The following LRRC4C variants were observed in gnomAD, a reference collection of about 807,000 sequenced individuals.
LRRC4C encodes the protein leucine-rich repeat-containing protein 4C.
LRRC4C carries 5 observed loss-of-function variants against 33.6 expected under a neutral mutation model. The observed-to-expected ratio is 0.15, with a 90% confidence interval of 0.08 to 0.31. The LOEUF is 0.31. Among genes scored for constraint, LRRC4C ranks in the 10% least tolerant of loss-of-function variants. The probability of loss-of-function intolerance (pLI) is 1.00; values close to 1 mark genes in which losing one functional copy is unlikely to be tolerated. For missense variants in LRRC4C, 560 were observed against 796.7 expected, an observed-to-expected ratio of 0.70 and a Z score of 3.58; for synonymous variants, 329 against 302.0, an observed-to-expected ratio of 1.09 and a Z score of -0.93.
At chr11:41,137,203 C>T (rs1943303304) in intron 1 of LRRC4C, among the ~76,000 whole-genome samples, 1 of 151,966 alleles carries the variant, frequency 6.6e-6, no homozygotes, top group Non-Finnish European at 1.5e-5. Context: ...GATCATGCCA[C>T]TGCACTCCAG....
chr11:41,194,107 G>A (rs910928439), intron 1 of LRRC4C, among the ~76,000 whole-genome samples: 6 of 152,090 alleles, frequency 3.9e-5, no homozygotes, highest in East Asian at 3.9e-4. Flanking sequence ...TTCATGAATT[G>A]TAAATGTATT....
At chr11:40,506,353 A>G (rs1331316343) in intron 3 of LRRC4C, among the ~76,000 whole-genome samples, 1 of 152,210 alleles carries the variant, frequency 6.6e-6, no homozygotes, top group Non-Finnish European at 1.5e-5. Flanking sequence ...TCACATGAAC[A>G]GAAATCTTAA....
chr11:40,339,322 G>T (rs189554957), intron 3 of LRRC4C, among the ~76,000 whole-genome samples: 2 of 152,196 alleles, frequency 1.3e-5, no homozygotes, highest in East Asian at 3.9e-4. Context: ...AATAGCATGG[G>T]TTATAGAATA....
intron 1 of LRRC4C, among the ~76,000 whole-genome samples, chr11:41,300,067 T>C (rs188916274): frequency 1.5e-4 from 23 of 152,278 alleles, no homozygotes; most frequent in East Asian, 1.3e-3. Context: ...GCTGAAATCA[T>C]GGGACCATAA....
chr11:41,058,384 A>T (rs1397752072), intron 1 of LRRC4C, among the ~76,000 whole-genome samples: 2 of 152,238 alleles, frequency 1.3e-5, no homozygotes, highest in Non-Finnish European at 2.9e-5. Context: ...GACTGTGTGC[A>T]GTGGCTGGAA....
chr11:41,011,514 G>C (rs552839639), intron 1 of LRRC4C, among the ~76,000 whole-genome samples: 2 of 152,098 alleles, frequency 1.3e-5, no homozygotes, highest in Non-Finnish European at 2.9e-5. Context: ...GCACTATAAA[G>C]TAAATAAAAT....
intron 1 of LRRC4C, among the ~76,000 whole-genome samples, chr11:41,375,362 G>A (rs992040215): frequency 4.6e-5 from 7 of 152,116 alleles, no homozygotes; most frequent in Admixed American, 4.6e-4. Flanking sequence ...GGCAGAGAGT[G>A]GAGGAGATGT....
In LRRC4C at chr11:40,436,655, G is replaced by C. The variant is rs560702748; in HGVS notation, c.-269-116934C>G. On this transcript the variant is annotated intron_variant, in intron 3 of 6. Transcript: ENST00000528697. ...TACAGACTGAATGTATGCCTGAAAT[G>C]AGCCTTCAAGGCTTGAATGGGAAGA... Among the ~76,000 whole-genome samples, 4 of 152,278 alleles carry C rather than the reference G, an allele frequency of 2.6e-5. No homozygotes were observed. The South Asian group carries it at 8.3e-4, about 32-fold the overall frequency.
intron 1 of LRRC4C, among the ~76,000 whole-genome samples, chr11:41,148,258 G>A (rs912882898): frequency 6.6e-6 from 1 of 152,034 alleles, no homozygotes; most frequent in Non-Finnish European, 1.5e-5. Context: ...CTTCTGATCT[G>A]CCTGCCTCAG....
chr11:41,130,912 C>T (rs1942980415), intron 1 of LRRC4C, among the ~76,000 whole-genome samples: 1 of 151,980 alleles, frequency 6.6e-6, no homozygotes, highest in African/African-American at 2.4e-5. Context: ...GTGTGTTTTC[C>T]ATGCACTAAG....
chr11:41,205,866 T>G (rs1359698351), intron 1 of LRRC4C, among the ~76,000 whole-genome samples: 1 of 152,172 alleles, frequency 6.6e-6, no homozygotes, highest in Non-Finnish European at 1.5e-5. Flanking sequence ...TATTTAATAG[T>G]AAATGTCAAA....
intron 3 of LRRC4C, among the ~76,000 whole-genome samples, chr11:40,558,681 C>A (rs1057314399): frequency 6.6e-6 from 1 of 152,092 alleles, no homozygotes; most frequent in Non-Finnish European, 1.5e-5. Flanking sequence ...TTACTCTTAG[C>A]CTAAACGGAC....
intron 1 of LRRC4C, among the ~76,000 whole-genome samples, chr11:41,081,942 G>C (rs903446872): frequency 6.6e-6 from 1 of 152,042 alleles, no homozygotes; most frequent in African/African-American, 2.4e-5. Context: ...GTACAGTCGG[G>C]GTCTCCCTAT....
intron 3 of LRRC4C, among the ~76,000 whole-genome samples, chr11:40,566,360 G>A (rs766630895): frequency 6.6e-5 from 10 of 151,796 alleles, no homozygotes; most frequent in Admixed American, 1.3e-4. Context: ...AACGATGAAC[G>A]TTGAGTACCA....
chr11:41,273,250 CG>C (rs1949375478), intron 1 of LRRC4C, among the ~76,000 whole-genome samples: 1 of 152,046 alleles, frequency 6.6e-6, no homozygotes, highest in Non-Finnish European at 1.5e-5. Flanking sequence ...ATAGAACTAC[CG>C]CATGATCCAG....
chr11:41,029,640 C>T (rs1308394968), intron 1 of LRRC4C, among the ~76,000 whole-genome samples: 1 of 151,728 alleles, frequency 6.6e-6, no homozygotes, highest in Non-Finnish European at 1.5e-5. Flanking sequence ...ATCAGTGATT[C>T]ATAACAACAA....
chr11:40,866,354 AT>A (rs1954370545), intron 2 of LRRC4C, among the ~76,000 whole-genome samples: 1 of 152,182 alleles, frequency 6.6e-6, no homozygotes. Flanking sequence ...ACAAAGTTGG[AT>A]AAATGTGGGC....
chr11:40,565,631 C>T (rs1306491629), intron 3 of LRRC4C, among the ~76,000 whole-genome samples: 3 of 152,128 alleles, frequency 2.0e-5, no homozygotes, highest in African/African-American at 7.2e-5. Context: ...AATTCCTCAC[C>T]CAAAGACTCT....
intron 3 of LRRC4C, among the ~76,000 whole-genome samples, chr11:40,560,846 G>T (rs1013615374): frequency 1.3e-5 from 2 of 152,080 alleles, no homozygotes; most frequent in African/African-American, 4.8e-5. Context: ...ATATAACCTT[G>T]AACAAGCCAC....
Sources: gnomAD v4.1 joint callset for allele counts (sites outside exome capture counted in the v4.1 genomes callset) on GRCh38, gnomAD v4.1.1 for gene constraint, MANE v1.5 for transcripts, NCBI Gene and HGNC (gene_info 2026-07-23, HGNC 2026-07-21) for gene names.